The following SMC6 variants were observed in gnomAD, a reference collection of about 807,000 sequenced individuals.
The protein encoded by SMC6 is structural maintenance of chromosomes protein 6.
Under a neutral mutation model 142.2 loss-of-function variants are expected in SMC6, and 79 were observed. The observed-to-expected ratio is 0.56, with a 90% CI of 0.46 to 0.67. The LOEUF (loss-of-function observed/expected upper bound fraction) is 0.67. SMC6 is among the 30% of genes least tolerant of loss of function. The probability of loss-of-function intolerance (pLI) is 0.00; values close to 1 mark genes in which losing one functional copy is unlikely to be tolerated. For synonymous variants in SMC6, 411 were observed against 412.4 expected (o/e 1.00, Z 0.04); for missense variants, 1,072 against 1,284.0 (o/e 0.83, Z 2.52).
At position 17,721,027 on chromosome 2, in the gene SMC6, A is replaced by G; in HGVS notation, c.858T>C (p.Ile286=). The change falls in exon 11 of 28, where the codon ATT becomes ATC. Residue 286 remains isoleucine (I), a synonymous_variant. Coordinates refer to ENST00000448223, the MANE Select transcript of SMC6 (RefSeq NM_001142286.2). The stretch of plus-strand genomic sequence containing the variant: ...CTCTGATGGCATTCAATTGTTTTTC[A>G]ATTTCATTGACCTAAGAAAGAAATT... The part of the protein sequence containing the change: ...HEMAWAVVNE[I]EKQLNAIRDN... 1.9e-6 allele frequency: 3 copies of G among 1,613,592 alleles called. No homozygotes were observed. Among genetic ancestry groups the G allele is most frequent in the Non-Finnish European group, 2.5e-6 (3 of 1,179,800 alleles).
chr2:17,687,371 T>A (rs143617312), intron 23 of SMC6, among the ~76,000 whole-genome samples: 28 of 152,228 alleles, frequency 1.8e-4, no homozygotes, highest in African/African-American at 6.7e-4. Flanking sequence ...CTGAATAAAC[T>A]ATGGTACAGA....
intron 23 of SMC6, among the ~76,000 whole-genome samples, chr2:17,685,578 C>T (rs1572263749): frequency 6.6e-6 from 1 of 151,984 alleles, no homozygotes; most frequent in Non-Finnish European, 1.5e-5. Context: ...AAAATCTATT[C>T]CTCACACCAT....
intron 7 of SMC6, among the ~76,000 whole-genome samples, chr2:17,726,842 C>T (rs543290627): frequency 6.6e-6 from 1 of 152,142 alleles, no homozygotes; most frequent in African/African-American, 2.4e-5. Flanking sequence ...TGGGAAGAGT[C>T]CTAGCATGGT....
intron 13 of SMC6, 24 bp from the exon 14 acceptor site, chr2:17,716,929 A>C (rs749756135): frequency 4.4e-6 from 7 of 1,583,548 alleles, no homozygotes; most frequent in Non-Finnish European, 6.0e-6. Flanking sequence ...ACCCAAAGTG[A>C]AAAATGTTAG....
At chr2:17,714,101 T>G (rs1323071468) in intron 16 of SMC6, among the ~76,000 whole-genome samples, 12 of 151,562 alleles carry the variant, frequency 7.9e-5, no homozygotes, top group Non-Finnish European at 1.2e-4. Flanking sequence ...TGTTTTTTTT[T>G]TTTTTGAGAC....
rs1008526305 is a variant in SMC6, at chr2:17,744,566, A to G, written c.120+1261T>C. ...TGTGTTTTTCCTTTCCAAACTCTAT[A>G]CCTTCTGTTTCCTTGATTTATTTGC... is the stretch of plus-strand genomic sequence containing the variant. On this transcript the variant is annotated intron_variant, in intron 3 of 27. Coordinates refer to ENST00000448223, the MANE Select transcript of SMC6 (RefSeq NM_001142286.2). Among the ~76,000 whole-genome samples, 3 of 152,140 alleles carry G rather than the reference A, an allele frequency of 2.0e-5. 1 individual carries two copies. In the East Asian group the frequency reaches 5.8e-4, roughly 29 times the overall value.
At chr2:17,682,470 A>C (rs1667277252) in intron 24 of SMC6, among the ~76,000 whole-genome samples, 1 of 152,138 alleles carries the variant, frequency 6.6e-6, no homozygotes, top group South Asian at 2.1e-4. Context: ...AGGCAAAATA[A>C]ACTCCAGAGG....
At chr2:17,705,773 AT>A (rs1668479683) in intron 18 of SMC6, among the ~76,000 whole-genome samples, 1 of 152,124 alleles carries the variant, frequency 6.6e-6, no homozygotes, top group Non-Finnish European at 1.5e-5. Context: ...ATTCCTATAC[AT>A]TTTCATACAG....
intron 16 of SMC6, among the ~76,000 whole-genome samples, chr2:17,712,131 T>C (rs902398652): frequency 1.3e-5 from 2 of 152,160 alleles, no homozygotes; most frequent in Admixed American, 1.3e-4. Context: ...TATTTAATAG[T>C]ATCTAATGCT....
intron 21 of SMC6, among the ~76,000 whole-genome samples, chr2:17,699,792 T>C (rs1314140815): frequency 6.6e-6 from 1 of 152,180 alleles, no homozygotes; most frequent in Non-Finnish European, 1.5e-5. Context: ...ATAACTGAGA[T>C]AGCTGACAAA....
At chr2:17,693,481 T>C (rs1667831542) in intron 23 of SMC6, among the ~76,000 whole-genome samples, 1 of 151,712 alleles carries the variant, frequency 6.6e-6, no homozygotes, top group East Asian at 1.9e-4. Flanking sequence ...CACTCATAGG[T>C]GGGAATTGAA....
At chr2:17,718,577 C>A (rs946614205) in intron 11 of SMC6, among the ~76,000 whole-genome samples, 5 of 152,016 alleles carry the variant, frequency 3.3e-5, no homozygotes, top group Admixed American at 3.3e-4. Flanking sequence ...TGTGGTAGCA[C>A]AGAGAAACAA....
chr2:17,724,038 T>C (rs1451221221), intron 9 of SMC6, among the ~76,000 whole-genome samples: 2 of 152,156 alleles, frequency 1.3e-5, no homozygotes, highest in Non-Finnish European at 2.9e-5. Flanking sequence ...GTATACTTTG[T>C]ATACCATGGA....
intron 20 of SMC6, 113 bp from the exon 21 acceptor site, chr2:17,700,491 G>A: frequency 1.4e-6 from 1 of 735,536 alleles, no homozygotes; most frequent in Non-Finnish European, 2.0e-6. Flanking sequence ...ATGCAAATCA[G>A]ATCAAATACA....
At chr2:17,686,606 C>T (rs763684184) in intron 23 of SMC6, among the ~76,000 whole-genome samples, 1 of 152,096 alleles carries the variant, frequency 6.6e-6, no homozygotes, top group Non-Finnish European at 1.5e-5. Flanking sequence ...AGTAAAAACG[C>T]AGGTACACAA....
At chr2:17,710,087 T>C (rs1275019772) in intron 16 of SMC6, among the ~76,000 whole-genome samples, 1 of 152,206 alleles carries the variant, frequency 6.6e-6, no homozygotes, top group Non-Finnish European at 1.5e-5. Context: ...TGACTTTACG[T>C]TGGCTGCTGT....
intron 12 of SMC6, 28 bp from the exon 13 acceptor site, chr2:17,717,204 C>T: frequency 1.3e-6 from 2 of 1,541,888 alleles, no homozygotes; most frequent in South Asian, 2.4e-5. Context: ...ACACACTTTA[C>T]AAAAATGAAA....
At chr2:17,698,788 T>C (rs1460824363) in intron 21 of SMC6, among the ~76,000 whole-genome samples, 2 of 152,120 alleles carry the variant, frequency 1.3e-5, no homozygotes, top group Non-Finnish European at 2.9e-5. Context: ...TACTCCAACA[T>C]ACATTAAGGA....
chr2:17,696,765 A>G (rs996898646), intron 21 of SMC6, among the ~76,000 whole-genome samples: 9 of 152,140 alleles, frequency 5.9e-5, no homozygotes, highest in African/African-American at 1.9e-4. Context: ...ACCTGGTTTT[A>G]AAAAGGGTGG....
Sources: gnomAD v4.1 joint callset for allele counts (sites outside exome capture counted in the v4.1 genomes callset) on GRCh38, gnomAD v4.1.1 for gene constraint, MANE v1.5 for transcripts, NCBI Gene and HGNC (gene_info 2026-07-23, HGNC 2026-07-21) for gene names.